Variants in YY1 observed in about 807,000 individuals in gnomAD.
YY1 encodes the protein transcriptional repressor protein YY1.
YY1 carries 2 observed loss-of-function variants against 35.6 expected under a neutral mutation model. That is an observed-to-expected ratio of 0.06 (90% CI 0.02 to 0.18). The LOEUF (loss-of-function observed/expected upper bound fraction) is 0.18, where lower values mean the gene tolerates loss of function less well. Ranked by LOEUF, YY1 falls within the 10% of genes least tolerant of loss-of-function variation. YY1 has a pLI of 1.00. For missense variants in YY1, 322 were observed against 573.4 expected (o/e 0.56, Z 4.48); for synonymous variants, 268 against 238.9 (o/e 1.12, Z -1.12).
intron 2 of YY1, among the ~76,000 whole-genome samples, chr14:100,272,836 T>G (rs1364322960): frequency 6.6e-6 from 1 of 152,162 alleles, no homozygotes; most frequent in Non-Finnish European, 1.5e-5. Context: ...CCAAAGTCCA[T>G]TATATCACTT....
At position 100,277,641 on chromosome 14, in the gene YY1, TC is replaced by T. The variant is rs1241320125; in HGVS notation, c.*43del. On this transcript the variant is annotated 3_prime_UTR_variant, in exon 5 of 5. Transcript: ENST00000262238. This position sits in a 1 kb window ranked among gnomAD's most constrained non-coding sequence, Gnocchi z 5.6. ...CCCTTCTCGACCACGGGAAGCATCT[TC>T]CAGAAGTGTGATTGGGAATAAATAT... 3 of 1,598,064 alleles carry T rather than the reference TC, an allele frequency of 1.9e-6. No homozygotes were observed. In the South Asian group the frequency reaches 3.3e-5, roughly 18 times the overall value.
intron 1 of YY1, among the ~76,000 whole-genome samples, chr14:100,240,274 C>G (rs1452631261): frequency 6.9e-6 from 1 of 145,578 alleles, no homozygotes; most frequent in Admixed American, 6.8e-5. Context: ...GCGCGCCCGC[C>G]GGCCCGTTGT....
intron 1 of YY1, among the ~76,000 whole-genome samples, chr14:100,243,992 C>T (rs1242381595): frequency 6.6e-6 from 1 of 151,688 alleles, no homozygotes; most frequent in Non-Finnish European, 1.5e-5. Context: ...CCTGTAGTGC[C>T]AGCTACTCAG....
chr14:100,274,699 A>G lies in YY1; in HGVS notation c.844A>G (p.Met282Val). Residue 282 changes from methionine (M) to valine (V), a missense_variant and splice_region_variant, in exon 3 of 5, where the codon ATG becomes GTG. By Grantham distance (21) the Met-to-Val change is conservative. Transcript: ENST00000262238. ...TGTCTCTCTTTTTCTTTTGATAAGA[A>G]TGAAGCCAAGAAAAATTAAAGAAGA... ...DPKQLAEFAR[M>V]KPRKIKEDDA... 1.9e-6 allele frequency: 3 copies of G among 1,613,866 alleles called. No homozygotes were observed. The highest frequency in any genetic ancestry group is 2.5e-6 in the Non-Finnish European group (3 of 1,179,740).
intron 1 of YY1, among the ~76,000 whole-genome samples, chr14:100,250,250 A>G (rs947609291): frequency 6.6e-5 from 10 of 152,212 alleles, no homozygotes; most frequent in African/African-American, 2.4e-4. Flanking sequence ...ATTAGTGGGA[A>G]AAACTGGGAA....
Position 100,281,138 on chromosome 14 carries a change from G to C in YY1, c.*3538G>C, listed in dbSNP as rs1432607432. On this transcript the variant is annotated 3_prime_UTR_variant, in exon 5 of 5. Coordinates refer to ENST00000262238, the MANE Select transcript of YY1 (RefSeq NM_003403.5). Reference sequence around the variant, plus strand: ...CCCCCCACCCCCGACTATAGGCAAAGAGAGTTGATCACTTCCAGGGTCTCT... The same window carrying C: ...CCCCCCACCCCCGACTATAGGCAAACAGAGTTGATCACTTCCAGGGTCTCT... 2.1e-5 allele frequency: 3 copies of C among 139,832 alleles called. No individual in the cohort carries two copies. Among genetic ancestry groups the C allele is most frequent in the Non-Finnish European group, 4.5e-5 (3 of 66,670 alleles). 8.7% of individuals were successfully genotyped at this position (139,832 alleles called of 1,614,324 possible). A position where few individuals can be genotyped will look rare whatever the true frequency, so the allele number is the denominator to read the frequency against.
rs550841737 is a variant in YY1 at position 100,267,757 on chromosome 14, C to T, written c.842+5291C>T. Among the ~76,000 whole-genome samples the T allele has an allele frequency of 5.3e-5, 8 of 152,248 alleles. No individual in the cohort carries two copies. The East Asian group carries it at 1.5e-3, about 29-fold the overall frequency. On this transcript the variant is annotated intron_variant, in intron 2 of 4. Transcript: ENST00000262238. ...CAAGATGGTCTCGATCTCTCGACCTCGTGATCCACCCACCTCGGCCTCCCA... is the reference window on the plus strand; with the variant it reads ...CAAGATGGTCTCGATCTCTCGACCTTGTGATCCACCCACCTCGGCCTCCCA...
intron 1 of YY1, among the ~76,000 whole-genome samples, chr14:100,251,029 C>A (rs1057082475): frequency 6.6e-6 from 1 of 151,980 alleles, no homozygotes; most frequent in Non-Finnish European, 1.5e-5. Flanking sequence ...TATATAAGGC[C>A]TTTGATTTTT....
At position 100,239,832 on chromosome 14, in the gene YY1, C is replaced by T. The variant is rs1229410159; in HGVS notation, c.588C>T (p.Gly196=). The change falls in exon 1 of 5, where the codon GGC becomes GGT. Residue 196 remains glycine (G), a synonymous_variant. Transcript: ENST00000262238. ...LSGGAGAAGG[G]GADPGNKKWE... ...GCGGGGCCGGCGCGGCGGGCGGCGG[C>T]GGCGCCGACCCGGGCAACAAGAAGT... The T allele has an allele frequency of 2.0e-6, 3 of 1,478,476 alleles. No individual in the cohort carries two copies. The highest frequency in any genetic ancestry group is 3.0e-5 in the African/African-American group (2 of 67,286). 91.6% of individuals were successfully genotyped at this position (1,478,476 alleles called of 1,614,324 possible). A position where few individuals can be genotyped will look rare whatever the true frequency, so the allele number is the denominator to read the frequency against.
chr14:100,260,699 C>T (rs1297616385), intron 1 of YY1, among the ~76,000 whole-genome samples: 3 of 148,420 alleles, frequency 2.0e-5, no homozygotes, highest in Non-Finnish European at 4.4e-5. Flanking sequence ...TCTCGATCTC[C>T]TGACCTCGTG....
intron 1 of YY1, among the ~76,000 whole-genome samples, chr14:100,244,312 CT>C (rs1890796708): frequency 8.0e-6 from 1 of 125,204 alleles, no homozygotes; most frequent in Non-Finnish European, 1.6e-5. Flanking sequence ...TTTTTTTTTC[CT>C]TTTTTACTTT....
At position 100,239,266 on chromosome 14, in the gene YY1, T is replaced by C. The variant is rs1389479798; in HGVS notation, c.22T>C (p.Tyr8His). 4 of 1,575,004 alleles carry C rather than the reference T, an allele frequency of 2.5e-6. No homozygotes were observed. The African/African-American group carries it at 5.5e-5, about 21-fold the overall frequency. ...AGCCATGGCCTCGGGCGACACCCTC[T>C]ACATCGCCACGGACGGCTCGGAGAT... is the stretch of plus-strand genomic sequence containing the variant. MASGDTL[Y>H]IATDGSEMPA... Residue 8 changes from tyrosine to histidine, a missense_variant, in exon 1 of 5, where the codon TAC becomes CAC. Coordinates refer to ENST00000262238, the MANE Select transcript of YY1 (RefSeq NM_003403.5).
In YY1 at chr14:100,256,896, T is replaced by C. The variant is rs185291322; in HGVS notation, c.680-5408T>C. On this transcript the variant is annotated intron_variant, in intron 1 of 4. Transcript: ENST00000262238. ...TTTTTTTACGAAAACCGTGGAAATA[T>C]AGAGGTTGGATTTGGCCAACTGGCT... Among the ~76,000 whole-genome samples, 15 of 151,996 alleles carry C rather than the reference T, an allele frequency of 9.9e-5. No individual in the cohort carries two copies. In the South Asian group the frequency reaches 1.0e-3, roughly 11 times the overall value.
intron 1 of YY1, among the ~76,000 whole-genome samples, chr14:100,255,617 T>C (rs1311486918): frequency 6.6e-6 from 1 of 152,116 alleles, no homozygotes. Flanking sequence ...CGAGACTCCA[T>C]CTCAGGAAAA....
intron 2 of YY1, among the ~76,000 whole-genome samples, chr14:100,270,456 C>CAAAA (rs34083329): frequency 3.1e-5 from 3 of 98,094 alleles, no homozygotes; most frequent in African/African-American, 1.2e-4. Flanking sequence ...ACTAAAAATA[C>CAAAA]AAAAAAAAAA....
At chr14:100,247,132 T>C (rs79544026) in intron 1 of YY1, among the ~76,000 whole-genome samples, 1,543 of 152,318 alleles carry the variant, frequency 0.01, 35 homozygotes, top group East Asian at 0.083. Context: ...AAAACATCCA[T>C]GTTGGACTCC....
rs750643631 is a variant in YY1 at position 100,239,400 on chromosome 14, G to T, written c.156G>T (p.Glu52Asp). The T allele has an allele frequency of 2.5e-6, 4 of 1,597,314 alleles. No individual in the cohort carries two copies. In the East Asian group the frequency reaches 9.1e-5, roughly 36 times the overall value. ...GEEEEEDDDD[E>D]DGGGGDHGGG... ...AGGAGGAGGAGGACGACGACGACGA[G>T]GACGGCGGCGGTGGCGACCACGGCG... The change falls in exon 1 of 5, where the codon GAG becomes GAT. Residue 52 changes from glutamate (E) to aspartate (D), a missense_variant. By Grantham distance (45) the Glu-to-Asp change is conservative (BLOSUM62 2). Transcript: ENST00000262238.
In YY1 at chr14:100,247,508, A is replaced by G. The variant is rs1226181177; in HGVS notation, c.679+7585A>G. ...GCAGTCCTCCTGCCTCAGTGCCCCAAGAGCTGGGACTACAGGCACGCACCA... is the reference window on the plus strand; with the variant it reads ...GCAGTCCTCCTGCCTCAGTGCCCCAGGAGCTGGGACTACAGGCACGCACCA... On this transcript the variant is annotated intron_variant, in intron 1 of 4. Coordinates refer to ENST00000262238, the MANE Select transcript of YY1 (RefSeq NM_003403.5). 5.9e-5 allele frequency among the ~76,000 whole-genome samples: 9 copies of G among 152,178 alleles called. No individual in the cohort carries two copies. The East Asian group carries it at 1.7e-3, about 29-fold the overall frequency.
At chr14:100,244,320 C>CTTTTTTTTTTTTTTTTT (rs869125410) in intron 1 of YY1, among the ~76,000 whole-genome samples, 1 of 89,704 alleles carries the variant, frequency 1.1e-5, no homozygotes, top group Non-Finnish European at 2.0e-5. Flanking sequence ...TCCTTTTTTA[C>CTTTTTTTTTTTTTTTTT]TTTTTTTTTT....
Sources: gnomAD v4.1 joint callset for allele counts (sites outside exome capture counted in the v4.1 genomes callset) on GRCh38, gnomAD v4.1.1 for gene constraint, Gnocchi (gnomAD v3.1) non-coding constraint, MANE v1.5 for transcripts, NCBI Gene and HGNC (gene_info 2026-07-23, HGNC 2026-07-21) for gene names.